Variants in DDHD2 observed in about 807,000 individuals in gnomAD.
The protein encoded by DDHD2 is triacylglycerol hydrolase DDHD2.
Under a neutral mutation model 91.2 loss-of-function variants are expected in DDHD2, and 62 were observed. The ratio of observed to expected loss-of-function variants is 0.68; its 90% CI spans 0.55 to 0.84. The LOEUF is 0.84. Ranked by LOEUF, DDHD2 falls within the 40% of genes least tolerant of loss-of-function variation. DDHD2 has a pLI of 0.00. For missense variants in DDHD2, 740 were observed against 846.9 expected (o/e 0.87, Z 1.57); for synonymous variants, 271 against 293.9 (o/e 0.92, Z 0.80).
chr8:38,262,498 A>G lies in DDHD2; in HGVS notation c.*1925A>G, dbSNP rs1279600967. 4 of 152,156 alleles carry G rather than the reference A, an allele frequency of 2.6e-5. No homozygotes were observed. The highest frequency in any genetic ancestry group is 2.0e-4 in the Admixed American group (3 of 15,270). 9.4% of individuals were successfully genotyped at this position (152,156 alleles called of 1,614,324 possible). ...GTATATTCCCAGGATGATAAGCTTG[A>G]TTGAAATCCTGTATTTAGTCATATA... On this transcript the variant is annotated 3_prime_UTR_variant, in exon 18 of 18. Transcript: ENST00000397166.
rs1186781628 is a variant in DDHD2, at chr8:38,262,019, G to A, written c.*1446G>A. The A allele has an allele frequency of 6.6e-6, 1 of 152,104 alleles. No individual in the cohort carries two copies. Among genetic ancestry groups the A allele is most frequent in the East Asian group, 1.9e-4 (1 of 5,196 alleles). 9.4% of individuals were successfully genotyped at this position (152,104 alleles called of 1,614,324 possible). On this transcript the variant is annotated 3_prime_UTR_variant, in exon 18 of 18. Transcript: ENST00000397166. ...ACAGCAGTGGTCTTTATCCCTTTCT[G>A]GAAAGAAAAGGAAAATGAAGGGTAA...
chr8:38,252,338 TTAAAGAACATA>T, intron 13 of DDHD2, 51 bp downstream of exon 13: 1 of 1,543,976 alleles, frequency 6.5e-7, no homozygotes, highest in South Asian at 1.2e-5. Flanking sequence ...GGGCTTATTG[TTAAAGAACATA>T]GGATTTTCTG....
rs1291794940 is a variant in DDHD2 at position 38,261,426 on chromosome 8, G to C, written c.*853G>C. ...TGAAATTGTGTAGCCTCTACAGGCT[G>C]CTGAGGTTCTAAATAAAACCTTTTA... On this transcript the variant is annotated 3_prime_UTR_variant, in exon 18 of 18. Transcript: ENST00000397166. 1 of 152,236 alleles carries C rather than the reference G, an allele frequency of 6.6e-6. No individual in the cohort carries two copies. The highest frequency in any genetic ancestry group is 1.5e-5 in the Non-Finnish European group (1 of 68,034). 9.4% of individuals were successfully genotyped at this position (152,236 alleles called of 1,614,324 possible).
At chr8:38,268,446 A>G in intron 1 of DDHD2, 1 of 1,573,506 alleles carries the variant, frequency 6.4e-7, no homozygotes, top group Non-Finnish European at 8.6e-7. Context: ...GACAGTGGAG[A>G]GAGAAATGCA....
chr8:38,268,356 AGGG>A, intron 1 of DDHD2: 2 of 1,556,910 alleles, frequency 1.3e-6, no homozygotes, highest in Non-Finnish European at 1.7e-6. Context: ...CCGGCCCGAA[AGGG>A]CTAGCGCTCA....
intron 16 of DDHD2, among the ~76,000 whole-genome samples, 185 bp downstream of exon 16, chr8:38,253,903 G>T (rs1156382360): frequency 6.6e-6 from 1 of 151,932 alleles, no homozygotes; most frequent in African/African-American, 2.4e-5. Context: ...AACATAGCAA[G>T]ACCTCATCTC....
chr8:38,260,176 G>C, intron 17 of DDHD2, 29 bp downstream of exon 17: 1 of 1,222,136 alleles, frequency 8.2e-7, no homozygotes, highest in Non-Finnish European at 1.2e-6. Context: ...TATATATAGT[G>C]TAATTCTTAC....
At chr8:38,253,305 A>G in intron 15 of DDHD2, 178 bp downstream of exon 15, 2 of 796,038 alleles carry the variant, frequency 2.5e-6, no homozygotes, top group Non-Finnish European at 3.9e-6. Context: ...GTATAAACCC[A>G]AGGCAAATGA....
chr8:38,254,318 C>G (rs948573862), intron 16 of DDHD2, among the ~76,000 whole-genome samples: 1 of 152,102 alleles, frequency 6.6e-6, no homozygotes, highest in Admixed American at 6.5e-5. Flanking sequence ...ATTACTGTTG[C>G]TGGAAGTCTT....
chr8:38,257,659 A>G (rs1283068871), intron 16 of DDHD2, among the ~76,000 whole-genome samples: 2 of 139,830 alleles, frequency 1.4e-5, no homozygotes, highest in East Asian at 4.4e-4. Flanking sequence ...TTCTTACCAC[A>G]GTATTTTTTT....
At chr8:38,248,513 G>A (rs1305793841) in intron 10 of DDHD2, among the ~76,000 whole-genome samples, 2 of 151,940 alleles carry the variant, frequency 1.3e-5, no homozygotes, top group Non-Finnish European at 2.9e-5. Context: ...TGACCTCATA[G>A]TGTTTATAGT....
chr8:38,243,066 G>A (rs1175049249), intron 7 of DDHD2, among the ~76,000 whole-genome samples: 2 of 152,164 alleles, frequency 1.3e-5, no homozygotes, highest in Non-Finnish European at 2.9e-5. Flanking sequence ...CTGTGTCTCA[G>A]TTCTCAGTAC....
intron 1 of DDHD2, among the ~76,000 whole-genome samples, chr8:38,269,512 T>G (rs1477202596): frequency 6.6e-6 from 1 of 152,228 alleles, no homozygotes; most frequent in African/African-American, 2.4e-5. Flanking sequence ...TCCCGGGACC[T>G]CGCCTCTAAA....
intron 3 of DDHD2, among the ~76,000 whole-genome samples, chr8:38,235,141 A>G (rs1804612663): frequency 1.3e-5 from 2 of 152,226 alleles, no homozygotes; most frequent in South Asian, 4.1e-4. Context: ...TATTTAGAAT[A>G]TAACTCAGAA....
At chr8:38,265,722 G>A (rs1807488282), downstream of DDHD2, 1 of 153,214 alleles carries the variant, frequency 6.5e-6, no homozygotes, top group African/African-American at 2.4e-5. Flanking sequence ...CGCCAAGCCA[G>A]GTGTTCTGTA....
In DDHD2 at chr8:38,252,257, G is replaced by C. The variant is rs141814412; in HGVS notation, c.1587G>C (p.Thr529=). Residue 529 remains threonine (T), a synonymous_variant, in exon 13 of 18, where the codon ACG becomes ACC. Transcript: ENST00000397166. ...TTGATCCCAACTACAGATTTCCAAC[G>C]TGCAAAGGTTTCTTCAATATTTATC... ...KRIDPNYRFP[T]CKGFFNIYHP... is the part of the protein sequence containing the mutation. The C allele has an allele frequency of 2.5e-6, 4 of 1,613,790 alleles. No homozygotes were observed. Among genetic ancestry groups the C allele is most frequent in the African/African-American group, 1.3e-5 (1 of 75,010 alleles).
downstream of DDHD2, chr8:38,267,245 A>G (rs1268680153): frequency 4.3e-6 from 7 of 1,613,562 alleles, no homozygotes; most frequent in Non-Finnish European, 5.9e-6. Flanking sequence ...AGCATAGGGT[A>G]GAGTCCATAT....
At chr8:38,272,641 C>T (rs1685951267), downstream of DDHD2, 2 of 152,222 alleles carry the variant, frequency 1.3e-5, no homozygotes, top group Non-Finnish European at 2.9e-5. Flanking sequence ...TTCACTTCTT[C>T]CTTCAACAAA....
Position 38,252,294 on chromosome 8 carries a change from A to G in DDHD2, c.1617+7A>G. The G allele has an allele frequency of 1.9e-6, 3 of 1,605,518 alleles. No individual in the cohort carries two copies. Among genetic ancestry groups the G allele is most frequent in the Non-Finnish European group, 1.7e-6 (2 of 1,176,534 alleles). Reference sequence around the variant, plus strand: ...CTTCAATATTTATCACCCTGTAAGCATTGTACAGCTATTGTGGTTTTACCT... The same window carrying G: ...CTTCAATATTTATCACCCTGTAAGCGTTGTACAGCTATTGTGGTTTTACCT... On this transcript the variant is annotated splice_region_variant and intron_variant, in intron 13 of 17. Coordinates refer to ENST00000397166, the MANE Select transcript of DDHD2 (RefSeq NM_015214.3).
Sources: allele counts gnomAD v4.1 joint callset (sites outside exome capture counted in the v4.1 genomes callset), GRCh38; gene constraint gnomAD v4.1.1; transcripts MANE v1.5; gene names NCBI Gene and HGNC (gene_info 2026-07-23, HGNC 2026-07-21).